The following KLB variants were observed in gnomAD, a reference collection of about 807,000 sequenced individuals.
The protein encoded by KLB is klotho beta.
In KLB, 44 loss-of-function variants were observed where a neutral mutation model predicts 88.4. That is an observed-to-expected ratio of 0.50 (90% CI 0.39 to 0.64). The LOEUF (loss-of-function observed/expected upper bound fraction) is 0.64, where lower values mean the gene tolerates loss of function less well. Among genes scored for constraint, KLB ranks in the 30% least tolerant of loss-of-function variants. KLB has a pLI of 0.00. For missense variants in KLB, 1,137 were observed against 1,304.8 expected (o/e 0.87, Z 1.98); for synonymous variants, 548 against 513.4 (o/e 1.07, Z -0.91).
chr4:39,411,763 A>C (rs1742855715), intron 1 of KLB: 1 of 152,290 alleles, frequency 6.6e-6, no homozygotes, highest in South Asian at 2.1e-4. Flanking sequence ...TCATACCTGT[A>C]ATCCCAGAGC....
At chr4:39,414,463 C>T (rs1742924096) in intron 1 of KLB, among the ~76,000 whole-genome samples, 2 of 152,038 alleles carry the variant, frequency 1.3e-5, no homozygotes, top group South Asian at 2.1e-4. Context: ...CTGCCCCAAA[C>T]CATTTTTCTT....
chr4:39,435,087 A>G (rs1309163493), intron 2 of KLB, among the ~76,000 whole-genome samples: 2 of 151,926 alleles, frequency 1.3e-5, no homozygotes, highest in Non-Finnish European at 2.9e-5. Flanking sequence ...GATTACAGGC[A>G]TGAGCCACCA....
At position 39,437,871 on chromosome 4, in the gene KLB, C is replaced by A; in HGVS notation, c.1481C>A (p.Ser494Tyr). ...NSKQKERKPK[S>Y]SAHYYKQIIR... ...AAACAGAAAGAGCGGAAACCTAAGT[C>A]TTCAGCACACTACTACAAACAGATC... Residue 494 changes from serine to tyrosine, a missense_variant, in exon 3 of 5, where the codon TCT becomes TAT. Physicochemically the swap from Ser to Tyr is moderately radical, Grantham distance 144 (BLOSUM62 -2). Transcript: ENST00000257408. 1 of 1,614,190 alleles carries A rather than the reference C, an allele frequency of 6.2e-7. No homozygotes were observed. Among genetic ancestry groups the A allele is most frequent in the African/African-American group, 1.3e-5 (1 of 75,042 alleles).
chr4:39,434,477 G>A lies in KLB; in HGVS notation c.1093G>A (p.Gly365Ser). 1 of 1,614,208 alleles carries A rather than the reference G, an allele frequency of 6.2e-7. No homozygotes were observed. The highest frequency in any genetic ancestry group is 8.5e-7 in the Non-Finnish European group (1 of 1,180,044). ...FSEAEKHEMRGTADFFAFSFG... is the reference protein window; with the variant it reads ...FSEAEKHEMRSTADFFAFSFG... ...TGAAGCAGAGAAGCATGAGATGAGA[G>A]GCACAGCTGATTTCTTTGCCTTTTC... The change falls in exon 2 of 5, where the codon GGC (glycine) becomes AGC (serine). Residue 365 changes from glycine to serine, a missense_variant. Gly to Ser is a moderately conservative substitution (Grantham distance 56, BLOSUM62 0). Around this residue, in one of 4 missense-constraint regions of KLB, gnomAD observed 597 missense variants for 765.2 expected, o/e 0.78. Transcript: ENST00000257408.
chr4:39,435,638 T>C (rs1237384604), intron 2 of KLB, among the ~76,000 whole-genome samples: 3 of 141,792 alleles, frequency 2.1e-5, no homozygotes, highest in African/African-American at 8.0e-5. Flanking sequence ...GTTGACCAGG[T>C]TGGTCTCGAA....
Position 39,447,245 on chromosome 4 carries a change from G to A in KLB, c.2519G>A (p.Arg840His), listed in dbSNP as rs1743774183. 1.2e-6 allele frequency: 2 copies of A among 1,613,990 alleles called. No homozygotes were observed. The highest frequency in any genetic ancestry group is 1.3e-5 in the African/African-American group (1 of 74,930). The change falls in exon 4 of 5, where the codon CGC (arginine) becomes CAC (histidine). Residue 840 changes from arginine to histidine, a missense_variant. This residue lies in a region of KLB where 426 missense variants were observed against 404.6 expected (regional missense o/e 1.05). Transcript: ENST00000257408. ...FVMHEQLAGS[R>H]YDSDRDIQFL... ...ATGCACGAGCAGCTGGCCGGCAGCC[G>A]CTACGACTCGGACAGGGACATCCAG...
At chr4:39,440,660 CA>C (rs1743578748) in intron 3 of KLB, among the ~76,000 whole-genome samples, 1 of 152,078 alleles carries the variant, frequency 6.6e-6, no homozygotes, top group Admixed American at 6.6e-5. Context: ...CGTGTTCGTG[CA>C]ATTCTCCTGT....
chr4:39,439,262 G>A (rs1325097617), intron 3 of KLB, among the ~76,000 whole-genome samples: 1 of 151,588 alleles, frequency 6.6e-6, no homozygotes, highest in Non-Finnish European at 1.5e-5. Context: ...GCCTCCCAAA[G>A]TACTGGGGTT....
chr4:39,447,522 T>C (rs1442172643), intron 4 of KLB, 47 bp downstream of exon 4: 1 of 1,445,384 alleles, frequency 6.9e-7, no homozygotes, highest in Non-Finnish European at 9.2e-7. Flanking sequence ...AGATTCCTGT[T>C]ACCTGACAAG....
At chr4:39,423,676 T>C (rs935350329) in intron 1 of KLB, among the ~76,000 whole-genome samples, 1 of 151,738 alleles carries the variant, frequency 6.6e-6, no homozygotes, top group Admixed American at 6.6e-5. Context: ...TGATCCATAA[T>C]AGGCATTCAT....
In KLB at chr4:39,434,277, T is replaced by C. The variant is rs749099233; in HGVS notation, c.893T>C (p.Ile298Thr). Residue 298 changes from isoleucine to threonine, a missense_variant, in exon 2 of 5, where the codon ATC becomes ACC. Physicochemically the swap from Ile to Thr is moderately conservative, Grantham distance 89 (BLOSUM62 -1). Around this residue, in one of 4 missense-constraint regions of KLB, gnomAD observed 597 missense variants for 765.2 expected, o/e 0.78. Coordinates refer to ENST00000257408, the MANE Select transcript of KLB (RefSeq NM_175737.4). The stretch of plus-strand genomic sequence containing the variant: ...CCACATCAGAAGGGTTGGTTATCGA[T>C]CACGTTGGGATCTCATTGGATCGAG... Reference protein sequence around the residue: ...FRPHQKGWLSITLGSHWIEPN... With the variant: ...FRPHQKGWLSTTLGSHWIEPN... The C allele has an allele frequency of 6.2e-7, 1 of 1,614,164 alleles. No homozygotes were observed. Among genetic ancestry groups the C allele is most frequent in the Non-Finnish European group, 8.5e-7 (1 of 1,179,992 alleles).
At position 39,448,998 on chromosome 4, in the gene KLB, G is replaced by A. The variant is rs80311857; in HGVS notation, c.*312G>A. 884 of 235,240 alleles carry A rather than the reference G, an allele frequency of 3.8e-3. 4 individuals carry two copies. The highest frequency in any genetic ancestry group is 6.0e-3 in the Middle Eastern group (4 of 666). The allele number at this position is 235,240 out of a possible 1,614,324, so 14.6% of individuals were successfully genotyped here. On this transcript the variant is annotated 3_prime_UTR_variant, in exon 5 of 5. Coordinates refer to ENST00000257408, the MANE Select transcript of KLB (RefSeq NM_175737.4). Reference sequence around the variant, plus strand: ...GCTTTAGCTTTCATCTCTACCAATAGCTACTTGTGGTACAATAAATTATTT... The same window carrying A: ...GCTTTAGCTTTCATCTCTACCAATAACTACTTGTGGTACAATAAATTATTT...
In KLB at chr4:39,407,744, T is replaced by G; in HGVS notation, c.795T>G (p.Ala265=). The G allele has an allele frequency of 6.2e-7, 1 of 1,602,506 alleles. No homozygotes were observed. The highest frequency in any genetic ancestry group is 1.1e-5 in the South Asian group (1 of 90,578). The stretch of plus-strand genomic sequence containing the variant: ...CTGGAGAGAAGGGAAATTTAGCAGC[T>G]GTCTACACTGTGGGACACAACTTGA... ...HAPGEKGNLA[A]VYTVGHNLIK... is the part of the protein sequence containing the mutation. The change falls in exon 1 of 5, where the codon GCT becomes GCG. Residue 265 remains alanine (A), a synonymous_variant. Transcript: ENST00000257408.
At chr4:39,415,426 C>T (rs964392739) in intron 1 of KLB, among the ~76,000 whole-genome samples, 7 of 151,758 alleles carry the variant, frequency 4.6e-5, no homozygotes, top group Middle Eastern at 3.2e-3. Flanking sequence ...CTCAGGAGTT[C>T]GAGGCTGCAG....
chr4:39,426,440 G>A lies in KLB; in HGVS notation c.826-7770G>A, dbSNP rs1324051832. On this transcript the variant is annotated intron_variant, in intron 1 of 4. Coordinates refer to ENST00000257408, the MANE Select transcript of KLB (RefSeq NM_175737.4). ...AAAAAAAAAAAAAAAAAAAAAAAAG[G>A]GCCATGAAATTTGGACCATTAAAAA... 1.0e-4 allele frequency among the ~76,000 whole-genome samples: 3 copies of A among 29,138 alleles called. No individual in the cohort carries two copies. The Admixed American group carries it at 1.7e-3, about 17-fold the overall frequency. The allele number at this position is 29,138 out of a possible 152,430, so 19.1% of individuals were successfully genotyped here.
intron 3 of KLB, 50 bp downstream of exon 3, chr4:39,438,045 C>T (rs1334952020): frequency 6.5e-7 from 1 of 1,527,694 alleles, no homozygotes; most frequent in East Asian, 2.3e-5. Flanking sequence ...ACAGTACACA[C>T]TATTTCATTT....
At chr4:39,410,106 C>T (rs970905210) in intron 1 of KLB, among the ~76,000 whole-genome samples, 36 of 152,040 alleles carry the variant, frequency 2.4e-4, no homozygotes, top group African/African-American at 8.7e-4. Flanking sequence ...TTTATTTAAC[C>T]TTTGTATAAA....
intron 3 of KLB, among the ~76,000 whole-genome samples, chr4:39,445,952 A>G (rs1743736153): frequency 6.6e-6 from 1 of 151,926 alleles, no homozygotes; most frequent in South Asian, 2.1e-4. Flanking sequence ...AATCTCTACA[A>G]CAGGAATTTC....
At chr4:39,445,375 A>G (rs964602307) in intron 3 of KLB, among the ~76,000 whole-genome samples, 7 of 152,210 alleles carry the variant, frequency 4.6e-5, no homozygotes, top group Non-Finnish European at 1.0e-4. Context: ...TTCTAGGGAT[A>G]GTCTACTGTC....
Sources: gnomAD v4.1 joint callset for allele counts (sites outside exome capture counted in the v4.1 genomes callset) on GRCh38, gnomAD v4.1.1 for gene constraint, gnomAD v4.1.1 regional missense constraint, MANE v1.5 for transcripts, NCBI Gene and HGNC (gene_info 2026-07-23, HGNC 2026-07-21) for gene names.